The following WDR64 variants were observed in gnomAD, a reference collection of about 807,000 sequenced individuals.
The protein encoded by WDR64 is WD repeat domain 64.
In WDR64, 112 loss-of-function variants were observed where a neutral mutation model predicts 139.3. The ratio of observed to expected loss-of-function variants is 0.80; its 90% CI spans 0.69 to 0.94. WDR64 has a LOEUF of 0.94. Ranked by LOEUF, WDR64 falls within the 40% of genes least tolerant of loss-of-function variation. WDR64 has a pLI of 0.00. For missense variants in WDR64, 1,206 were observed against 1,293.1 expected (o/e 0.93, Z 1.03); for synonymous variants, 444 against 437.7 (o/e 1.01, Z -0.18).
In WDR64 at chr1:241,711,713, T is replaced by C. The variant is rs1161994579; in HGVS notation, c.975-89T>C. 13 of 1,338,170 alleles carry C rather than the reference T, an allele frequency of 9.7e-6. No homozygotes were observed. In the East Asian group the frequency reaches 1.2e-4, roughly 13 times the overall value. 82.9% of individuals were successfully genotyped at this position (1,338,170 alleles called of 1,614,324 possible). On this transcript the variant is annotated intron_variant, in intron 8 of 27. Transcript: ENST00000437684. ...AATGGATTTACAACCAACTTAGAAA[T>C]GAGCCTATCAAACATAATCTATTTA...
chr1:241,702,384 T>C (rs1400684935), intron 8 of WDR64, among the ~76,000 whole-genome samples: 4 of 152,170 alleles, frequency 2.6e-5, no homozygotes, highest in African/African-American at 4.8e-5. Context: ...GTAATGAATA[T>C]ACCTACATGA....
At chr1:241,788,777 A>G (rs1460987817) in intron 24 of WDR64, among the ~76,000 whole-genome samples, 8 of 152,216 alleles carry the variant, frequency 5.3e-5, no homozygotes, top group Admixed American at 3.9e-4. Flanking sequence ...AGGTGACCCC[A>G]TCAGAGTGTT....
rs1353560121 is a variant in WDR64, at chr1:241,801,801, TG to T, written c.*589del. ...AAGACGGCAAAGAAAGGAAGAAAAA[TG>T]GGTCATAGAAATAGAAAAAGCATAG... On this transcript the variant is annotated 3_prime_UTR_variant, in exon 28 of 28. Transcript: ENST00000437684. The T allele has an allele frequency of 2.5e-6, 1 of 397,502 alleles. No homozygotes were observed. The highest frequency in any genetic ancestry group is 4.4e-6 in the Non-Finnish European group (1 of 225,800). 24.6% of individuals were successfully genotyped at this position (397,502 alleles called of 1,614,324 possible).
intron 8 of WDR64, among the ~76,000 whole-genome samples, chr1:241,693,319 A>G (rs1667372967): frequency 6.6e-6 from 1 of 152,232 alleles, no homozygotes; most frequent in Non-Finnish European, 1.5e-5. Context: ...TGAAAAGGCT[A>G]CATACTGTAT....
At chr1:241,665,875 T>A (rs1217317709) in intron 2 of WDR64, among the ~76,000 whole-genome samples, 1 of 152,180 alleles carries the variant, frequency 6.6e-6, no homozygotes, top group Non-Finnish European at 1.5e-5. Context: ...TATAATTATG[T>A]TCCCTCCCAA....
chr1:241,741,378 C>T (rs1256040634), intron 11 of WDR64, 138 bp from the exon 12 acceptor site: 2 of 604,576 alleles, frequency 3.3e-6, no homozygotes, highest in Non-Finnish European at 5.4e-6. Flanking sequence ...ATTCTCACCT[C>T]ATTACATTTC....
In WDR64 at chr1:241,787,892, C is replaced by G. The variant is rs1157012072; in HGVS notation, c.2749C>G (p.Gln917Glu). The G allele has an allele frequency of 1.2e-6, 2 of 1,609,708 alleles. No individual in the cohort carries two copies. The highest frequency in any genetic ancestry group is 2.2e-5 in the South Asian group (2 of 90,064). The change falls in exon 24 of 28, where the codon CAG becomes GAG. Residue 917 changes from glutamine to glutamate, a missense_variant. Transcript: ENST00000437684. ...TGGACATTATTGTGGATATTTTGGA[C>G]AGCGAAGGCTCTTTGAATTATCACA... Reference protein sequence around the residue: ...LNGHYCGYFGQRRLFELSQTR... With the variant: ...LNGHYCGYFGERRLFELSQTR...
At chr1:241,678,838 C>G (rs10802978) in intron 5 of WDR64, among the ~76,000 whole-genome samples, 1 of 112,234 alleles carries the variant, frequency 8.9e-6, no homozygotes, top group Non-Finnish European at 1.7e-5. Flanking sequence ...CTGTAAACTT[C>G]TGAACCTCCA....
chr1:241,720,265 C>T (rs929292835), intron 9 of WDR64, among the ~76,000 whole-genome samples: 2 of 152,032 alleles, frequency 1.3e-5, no homozygotes, highest in Non-Finnish European at 2.9e-5. Flanking sequence ...AATTAAGATA[C>T]GCAGCCATGT....
At chr1:241,657,367 T>A (rs891205180) in intron 1 of WDR64, among the ~76,000 whole-genome samples, 2 of 152,052 alleles carry the variant, frequency 1.3e-5, no homozygotes, top group East Asian at 3.9e-4. Flanking sequence ...TTTCACCCCA[T>A]AAAACACCCC....
rs538991430 is a variant in WDR64, at chr1:241,656,749, G to T, written c.146-3781G>T. Reference sequence around the variant, plus strand: ...GTGTGTGGAGTTGGGGGCCTAGGGTGGGGGCTGTCTTGTGCATTGTAGGAT... The same window carrying T: ...GTGTGTGGAGTTGGGGGCCTAGGGTTGGGGCTGTCTTGTGCATTGTAGGAT... On this transcript the variant is annotated intron_variant, in intron 1 of 27. Coordinates refer to ENST00000437684, the MANE Select transcript of WDR64 (RefSeq NM_001367482.1). This position sits in a 1 kb window ranked among gnomAD's most constrained non-coding sequence, Gnocchi z 4.3. Among the ~76,000 whole-genome samples, 4 of 152,106 alleles carry T rather than the reference G, an allele frequency of 2.6e-5. No individual in the cohort carries two copies. Among genetic ancestry groups the T allele is most frequent in the African/African-American group, 9.6e-5 (4 of 41,486 alleles).
chr1:241,744,573 CA>C (rs1669680762), intron 13 of WDR64, 57 bp downstream of exon 13: 1 of 1,602,102 alleles, frequency 6.2e-7, no homozygotes, highest in Middle Eastern at 1.7e-4. Context: ...GAATTTCCGC[CA>C]AAAACTCTTT....
intron 24 of WDR64, 47 bp downstream of exon 24, chr1:241,788,081 G>A (rs370612602): frequency 2.0e-6 from 3 of 1,484,648 alleles, no homozygotes; most frequent in Middle Eastern, 2.3e-4. Context: ...GAATCAAACT[G>A]TTGAGATGCT....
rs1157389084 is a variant in WDR64 at position 241,674,256 on chromosome 1, CTTTTCTTTT to C, written c.380-383_380-375del. Among the ~76,000 whole-genome samples, 60 of 121,338 alleles carry C rather than the reference CTTTTCTTTT, an allele frequency of 4.9e-4. 1 individual carries two copies. The highest frequency in any genetic ancestry group is 1.7e-3 in the African/African-American group (58 of 33,162). The allele number at this position is 121,338 out of a possible 152,430, so 79.6% of individuals were successfully genotyped here. On this transcript the variant is annotated intron_variant, in intron 3 of 27. Coordinates refer to ENST00000437684, the MANE Select transcript of WDR64 (RefSeq NM_001367482.1). ...AAGCTGGCTGTTTATCTTTTTTTTTCTTTTCTTTTTTTTTTTTTTTGAGACAGGGTCTCG... is the reference window on the plus strand; with the variant it reads ...AAGCTGGCTGTTTATCTTTTTTTTTCTTTTTTTTTTTGAGACAGGGTCTCG...
chr1:241,780,159 T>G (rs941629303), intron 22 of WDR64, 97 bp downstream of exon 22: 5 of 1,042,598 alleles, frequency 4.8e-6, no homozygotes, highest in Non-Finnish European at 6.9e-6. Flanking sequence ...AATACAAGAC[T>G]CTCTGTTGTC....
In WDR64 at chr1:241,691,105, T is replaced by A. The variant is rs1461807230; in HGVS notation, c.974+3510T>A. 2.0e-5 allele frequency among the ~76,000 whole-genome samples: 3 copies of A among 151,976 alleles called. No individual in the cohort carries two copies. In the East Asian group the frequency reaches 5.9e-4, roughly 30 times the overall value. Reference sequence around the variant, plus strand: ...AAAGTGGACTTGGATTAGTTGTAAATGTATATTGCAAATGATAGGTCAACC... The same window carrying A: ...AAAGTGGACTTGGATTAGTTGTAAAAGTATATTGCAAATGATAGGTCAACC... On this transcript the variant is annotated intron_variant, in intron 8 of 27. Transcript: ENST00000437684.
intron 2 of WDR64, among the ~76,000 whole-genome samples, chr1:241,669,101 C>A (rs1286912933): frequency 6.6e-6 from 1 of 152,140 alleles, no homozygotes; most frequent in Non-Finnish European, 1.5e-5. Context: ...TGATGCCATC[C>A]ATTATGTCAT....
intron 23 of WDR64, 83 bp downstream of exon 23, chr1:241,783,464 A>T (rs953597): frequency 5.0e-6 from 5 of 1,007,590 alleles, no homozygotes; most frequent in Middle Eastern, 2.1e-4. Context: ...TGAAGTATAT[A>T]GTTCAAATGC....
chr1:241,712,167 T>C lies in WDR64; in HGVS notation c.1054+286T>C, dbSNP rs564168373. On this transcript the variant is annotated intron_variant, in intron 9 of 27. Coordinates refer to ENST00000437684, the MANE Select transcript of WDR64 (RefSeq NM_001367482.1). ...TTTAATCCATCTGGAGCTTATTTTATGTGTGAGAGCATGAGTTCCTAGGTC... is the reference window on the plus strand; with the variant it reads ...TTTAATCCATCTGGAGCTTATTTTACGTGTGAGAGCATGAGTTCCTAGGTC... Among the ~76,000 whole-genome samples, 89 of 152,324 alleles carry C rather than the reference T, an allele frequency of 5.8e-4. 1 individual carries two copies. In the Middle Eastern group the frequency reaches 0.01, roughly 17 times the overall value.
Sources: gnomAD v4.1 joint callset for allele counts (sites outside exome capture counted in the v4.1 genomes callset) on GRCh38, gnomAD v4.1.1 for gene constraint, Gnocchi (gnomAD v3.1) non-coding constraint, MANE v1.5 for transcripts, NCBI Gene and HGNC (gene_info 2026-07-23, HGNC 2026-07-21) for gene names.